The following UGT2A1 variants were observed in gnomAD, a reference collection of about 807,000 sequenced individuals.
UGT2A1 encodes the protein UDP-glucuronosyltransferase 2A1.
A neutral mutation model predicts 45.4 loss-of-function variants in UGT2A1; 61 were observed. That is an observed-to-expected ratio of 1.34 (90% CI 1.09 to 1.66). UGT2A1 has a LOEUF of 1.66. Ranked by LOEUF, UGT2A1 falls within the 40% of genes most tolerant of loss-of-function variation. UGT2A1 has a pLI of 0.00. For synonymous variants in UGT2A1, 229 were observed against 196.2 expected, an observed-to-expected ratio of 1.17 and a Z score of -1.40; for missense variants, 649 against 574.3, an observed-to-expected ratio of 1.13 and a Z score of -1.33.
At chr4:69,641,227 AG>A in intron 2 of UGT2A1, among the ~76,000 whole-genome samples, 1 of 151,954 alleles carries the variant, frequency 6.6e-6, no homozygotes, top group Non-Finnish European at 1.5e-5. Flanking sequence ...TAATATCTGC[AG>A]GGCAATAAAA....
At chr4:69,621,908 A>C (rs1332528594) in intron 3 of UGT2A1, among the ~76,000 whole-genome samples, 1 of 151,922 alleles carries the variant, frequency 6.6e-6, no homozygotes, top group Non-Finnish European at 1.5e-5. Flanking sequence ...ATGCAGACAC[A>C]GAACACCAAA....
intron 1 of UGT2A1, among the ~76,000 whole-genome samples, chr4:69,651,304 C>T (rs927638015): frequency 2.0e-5 from 3 of 152,056 alleles, no homozygotes; most frequent in Non-Finnish European, 4.4e-5. Flanking sequence ...AGCTAATCTG[C>T]CCTTGCCAGA....
At position 69,647,039 on chromosome 4, in the gene UGT2A1, G is replaced by A; in HGVS notation, c.606C>T (p.Asp202=). Residue 202 remains aspartate (D), a synonymous_variant, in exon 2 of 7, where the codon GAC becomes GAT. Transcript: ENST00000286604. ...TTATTCTGTCAGTGAAAGACATTTG[G>A]TCGGTGAGTTCTGATAAAACAGCAG... is the stretch of plus-strand genomic sequence containing the variant. ...YVPAVLSELT[D]QMSFTDRIRN... The A allele has an allele frequency of 6.2e-7, 1 of 1,612,812 alleles. No individual in the cohort carries two copies. The highest frequency in any genetic ancestry group is 1.7e-4 in the Middle Eastern group (1 of 6,054).
At chr4:69,590,812 G>C (rs1479290333) in intron 6 of UGT2A1, among the ~76,000 whole-genome samples, 1 of 152,082 alleles carries the variant, frequency 6.6e-6, no homozygotes, top group African/African-American at 2.4e-5. Flanking sequence ...GTGGGACAAA[G>C]ACCATGCTCA....
chr4:69,623,454 T>A (rs1248443013), intron 3 of UGT2A1, among the ~76,000 whole-genome samples: 5 of 151,772 alleles, frequency 3.3e-5, no homozygotes, highest in African/African-American at 1.2e-4. Flanking sequence ...ATGAATGCAT[T>A]ACCAAGTCAC....
At chr4:69,597,559 A>T (rs1330387124) in intron 4 of UGT2A1, among the ~76,000 whole-genome samples, 1 of 152,166 alleles carries the variant, frequency 6.6e-6, no homozygotes, top group African/African-American at 2.4e-5. Context: ...GTATCACTTT[A>T]TGACTAGCCA....
chr4:69,591,246 G>A (rs1718581149), intron 6 of UGT2A1, among the ~76,000 whole-genome samples: 1 of 152,146 alleles, frequency 6.6e-6, no homozygotes, highest in Non-Finnish European at 1.5e-5. Context: ...TGCCCAAGGT[G>A]GCTGGGGTGC....
At chr4:69,649,543 A>G (rs1722427075) in intron 1 of UGT2A1, among the ~76,000 whole-genome samples, 1 of 152,122 alleles carries the variant, frequency 6.6e-6, no homozygotes, top group South Asian at 2.1e-4. Context: ...GCAAGAAACC[A>G]GTTAGGCAGA....
At chr4:69,610,017 T>G (rs1719939041) in intron 3 of UGT2A1, among the ~76,000 whole-genome samples, 1 of 152,164 alleles carries the variant, frequency 6.6e-6, no homozygotes, top group Non-Finnish European at 1.5e-5. Flanking sequence ...CTAGCAGACC[T>G]ATAAAGTTTT....
rs1050369386 is a variant in UGT2A1 at position 69,588,823 on chromosome 4, T to A, written c.*549A>T. ...CATTTAATAGGGACGCACGTCACAC[T>A]TAAAATTCATTCTCTAACTCCTGAA... On this transcript the variant is annotated 3_prime_UTR_variant, in exon 7 of 7. Transcript: ENST00000286604. The A allele has an allele frequency of 2.0e-5, 3 of 152,170 alleles. No individual in the cohort carries two copies. The highest frequency in any genetic ancestry group is 7.2e-5 in the African/African-American group (3 of 41,440). The allele number at this position is 152,170 out of a possible 1,614,324, so 9.4% of individuals were successfully genotyped here. A position where few individuals can be genotyped will look rare whatever the true frequency, so the allele number is the denominator to read the frequency against.
rs781305177 is a variant in UGT2A1 at position 69,594,478 on chromosome 4, A to G, written c.1303T>C (p.Ser435Pro). 28 of 1,614,100 alleles carry G rather than the reference A, an allele frequency of 1.7e-5. No individual in the cohort carries two copies. The highest frequency in any genetic ancestry group is 2.4e-5 in the Non-Finnish European group (28 of 1,180,000). The change falls in exon 6 of 7, where the codon TCT becomes CCT. Residue 435 changes from serine to proline, a missense_variant and splice_region_variant. Ser to Pro is a moderately conservative substitution (Grantham distance 74). Coordinates refer to ENST00000286604, the MANE Select transcript of UGT2A1 (RefSeq NM_001252275.3). ...SALRTVINEP[S>P]YKENAMRLSR... is the part of the protein sequence containing the mutation. ...GTTTTTAGGAGCCTTAGTACTTACG[A>G]AGGTTCATTAATGACTGTTCTCAAA...
intron 3 of UGT2A1, among the ~76,000 whole-genome samples, chr4:69,601,099 T>G (rs1332829903): frequency 6.6e-6 from 1 of 152,160 alleles, no homozygotes; most frequent in Non-Finnish European, 1.5e-5. Flanking sequence ...ATGTGAGAAC[T>G]GCCTTGCCAA....
At chr4:69,625,556 T>C (rs2109944626) in intron 3 of UGT2A1, among the ~76,000 whole-genome samples, 1 of 151,472 alleles carries the variant, frequency 6.6e-6, no homozygotes, top group South Asian at 2.1e-4. Flanking sequence ...ATCCAATGTA[T>C]TTTTAATTTT....
intron 3 of UGT2A1, among the ~76,000 whole-genome samples, chr4:69,633,093 G>A (rs187527854): frequency 6.6e-6 from 1 of 152,188 alleles, no homozygotes; most frequent in East Asian, 1.9e-4. Flanking sequence ...AGAAGTAAGA[G>A]GTAGGAGTTA....
In UGT2A1 at chr4:69,599,372, C is replaced by T. The variant is rs975747883; in HGVS notation, c.870G>A (p.Glu290=). 6.2e-7 allele frequency: 1 copy of T among 1,613,530 alleles called. No individual in the cohort carries two copies. The highest frequency in any genetic ancestry group is 8.5e-7 in the Non-Finnish European group (1 of 1,179,884). ...LPAGRPTTLC[E]TMGKAEIWLI... is the part of the protein sequence containing the mutation. Reference sequence around the variant, plus strand: ...ACCAAATTTCAGCTTTCCCCATAGTCTCACATAACGTAGTGGGTCTTCCTG... The same window carrying T: ...ACCAAATTTCAGCTTTCCCCATAGTTTCACATAACGTAGTGGGTCTTCCTG... Residue 290 remains glutamate (E), a synonymous_variant, in exon 4 of 7, where the codon GAG becomes GAA. Transcript: ENST00000286604.
intron 3 of UGT2A1, among the ~76,000 whole-genome samples, chr4:69,633,702 A>G (rs1309738503): frequency 2.0e-5 from 3 of 152,214 alleles, no homozygotes; most frequent in Non-Finnish European, 4.4e-5. Flanking sequence ...ACAAAGGAGT[A>G]CATAATGTGT....
intron 6 of UGT2A1, among the ~76,000 whole-genome samples, chr4:69,594,157 G>T (rs1371358414): frequency 1.3e-5 from 2 of 151,778 alleles, no homozygotes; most frequent in Non-Finnish European, 2.9e-5. Context: ...TGTATTTTTA[G>T]TAGAGACAGG....
Position 69,589,437 on chromosome 4 carries a change from T to C in UGT2A1, c.1519A>G (p.Ile507Val), listed in dbSNP as rs555244639. 1.9e-5 allele frequency: 31 copies of C among 1,614,154 alleles called. No homozygotes were observed. In the South Asian group the frequency reaches 2.6e-4, roughly 14 times the overall value. Residue 507 changes from isoleucine (I) to valine (V), a missense_variant, in exon 7 of 7, where the codon ATA becomes GTA. By Grantham distance (29) the Ile-to-Val change is conservative. Coordinates refer to ENST00000286604, the MANE Select transcript of UGT2A1 (RefSeq NM_001252275.3). The part of the protein sequence containing the change: ...VCVTTAIFLV[I>V]QCCLFSCQKF... ...TGACAGGAAAACAAACAACATTGTA[T>C]GACCAAAAATATAGCCGTTGTCACA...
intron 2 of UGT2A1, among the ~76,000 whole-genome samples, chr4:69,644,542 A>G (rs1270056203): frequency 6.6e-6 from 1 of 151,676 alleles, no homozygotes; most frequent in Non-Finnish European, 1.5e-5. Context: ...TTGCTTCACA[A>G]AACTTCAATT....
Sources: allele counts gnomAD v4.1 joint callset (sites outside exome capture counted in the v4.1 genomes callset), GRCh38; gene constraint gnomAD v4.1.1; transcripts MANE v1.5; gene names NCBI Gene and HGNC (gene_info 2026-07-23, HGNC 2026-07-21).